ZNF131: variants seen among roughly 807,000 people sequenced by gnomAD.
ZNF131 encodes zinc finger and BTB domain containing 35.
Under a neutral mutation model 60.0 loss-of-function variants are expected in ZNF131, and 7 were observed. The ratio of observed to expected loss-of-function variants is 0.12; its 90% CI spans 0.07 to 0.22. The LOEUF is 0.22. Among genes scored for constraint, ZNF131 ranks in the 10% least tolerant of loss-of-function variants. ZNF131 has a pLI of 1.00. For missense variants in ZNF131, 493 were observed against 740.9 expected (o/e 0.67, Z 3.88); for synonymous variants, 257 against 253.2 (o/e 1.01, Z -0.14).
At chr5:43,136,983 T>C (rs1332647609) in intron 3 of ZNF131, among the ~76,000 whole-genome samples, 2 of 152,074 alleles carry the variant, frequency 1.3e-5, no homozygotes, top group Non-Finnish European at 2.9e-5. Flanking sequence ...CTGCAACAAA[T>C]GATGTTGGAA....
intron 2 of ZNF131, among the ~76,000 whole-genome samples, chr5:43,123,006 A>G (rs1172073827): frequency 6.6e-6 from 1 of 152,218 alleles, no homozygotes; most frequent in East Asian, 1.9e-4. Context: ...GTTTGAAGTG[A>G]AGATTTAGCT....
At chr5:43,171,138 G>T (rs1750938897) in intron 5 of ZNF131, among the ~76,000 whole-genome samples, 1 of 151,514 alleles carries the variant, frequency 6.6e-6, no homozygotes, top group South Asian at 2.1e-4. Context: ...AGTAGAGACA[G>T]GGTTTCACTA....
intron 3 of ZNF131, among the ~76,000 whole-genome samples, chr5:43,125,578 C>G (rs747943630): frequency 7.2e-5 from 11 of 151,750 alleles, no homozygotes; most frequent in Non-Finnish European, 1.3e-4. Flanking sequence ...GTCGAGAGGT[C>G]GAGACCAGCC....
In ZNF131 at chr5:43,160,678, CTT is replaced by C. The variant is rs71608692; in HGVS notation, c.372-550_372-549del. Among the ~76,000 whole-genome samples the C allele has an allele frequency of 4.7e-3, 433 of 93,030 alleles. 1 individual carries two copies. The highest frequency in any genetic ancestry group is 0.016 in the South Asian group (38 of 2,408). 61.0% of individuals were successfully genotyped at this position (93,030 alleles called of 152,430 possible). ...TCACTGTTAAATGATTAGCTTGGAA[CTT>C]TTTTTTTTTTTTTTTTTTTTGAGAC... On this transcript the variant is annotated intron_variant, in intron 4 of 6. Coordinates refer to ENST00000682664, the MANE Select transcript of ZNF131 (RefSeq NM_001330707.2).
chr5:43,161,346 T>A lies in ZNF131; in HGVS notation c.469T>A (p.Ser157Thr). The change falls in exon 5 of 7, where the codon TCA becomes ACA. Residue 157 changes from serine to threonine, a missense_variant. Ser to Thr is a moderately conservative substitution (Grantham distance 58). Around this residue, in one of 7 missense-constraint regions of ZNF131, gnomAD observed 138 missense variants for 158.7 expected, o/e 0.87. Transcript: ENST00000682664. ...IAETSNVITESLPSAESEPVE... is the reference protein window; with the variant it reads ...IAETSNVITETLPSAESEPVE... ...AGAAACTTCAAATGTTATCACTGAG[T>A]CATTGCCATCTGCAGAATCAGAACC... 6.2e-7 allele frequency: 1 copy of A among 1,614,178 alleles called. No homozygotes were observed. Among genetic ancestry groups the A allele is most frequent in the East Asian group, 2.2e-5 (1 of 44,888 alleles).
At chr5:43,156,092 T>G (rs192231707) in intron 4 of ZNF131, among the ~76,000 whole-genome samples, 1 of 152,188 alleles carries the variant, frequency 6.6e-6, no homozygotes, top group African/African-American at 2.4e-5. Context: ...CTGGTACTTA[T>G]GGGATGAAGA....
chr5:43,174,575 T>C lies in ZNF131; in HGVS notation c.1314T>C (p.His438=). 6.2e-7 allele frequency: 1 copy of C among 1,611,974 alleles called. No homozygotes were observed. Among genetic ancestry groups the C allele is most frequent in the Non-Finnish European group, 8.5e-7 (1 of 1,178,858 alleles). The change falls in exon 7 of 7, where the codon CAT becomes CAC. Residue 438 remains histidine (H), a synonymous_variant. Coordinates refer to ENST00000682664, the MANE Select transcript of ZNF131 (RefSeq NM_001330707.2). ...WFMQGNELRR[H]LSDAHNISER... ...TGCAAGGAAATGAATTAAGGAGGCA[T>C]CTCAGTGATGCTCACAATATTTCAG...
Position 43,174,803 on chromosome 5 carries a change from T to C in ZNF131, c.1542T>C (p.Ser514=), listed in dbSNP as rs1277272368. The C allele has an allele frequency of 1.9e-6, 3 of 1,613,942 alleles. No individual in the cohort carries two copies. The highest frequency in any genetic ancestry group is 2.5e-6 in the Non-Finnish European group (3 of 1,180,032). ...QDSQVHDSHM[S]ELPEQVQVSY... ...GCCAGGTGCACGATTCACACATGAG[T>C]GAGCTTCCAGAGCAGGTCCAAGTGA... The change falls in exon 7 of 7, where the codon AGT becomes AGC. Residue 514 remains serine, a synonymous_variant. Transcript: ENST00000682664.
At position 43,123,132 on chromosome 5, in the gene ZNF131, T is replaced by C. The variant is rs1744086103; in HGVS notation, c.125-77T>C. ...AAGACCTATTTTGCTTTATATGATT[T>C]TTAAGTCTATTTTGTAGTTATACAT... On this transcript the variant is annotated intron_variant, in intron 2 of 6. Transcript: ENST00000682664. 3 of 1,190,200 alleles carry C rather than the reference T, an allele frequency of 2.5e-6. No individual in the cohort carries two copies. The South Asian group carries it at 4.2e-5, about 17-fold the overall frequency. The allele number at this position is 1,190,200 out of a possible 1,614,324, so 73.7% of individuals were successfully genotyped here.
chr5:43,161,783 A>C lies in ZNF131; in HGVS notation c.906A>C (p.Ala302=), dbSNP rs374764903. ...ICNKRYLRES[A]WKQHLNCYHL... is the part of the protein sequence containing the mutation. ...ATAAACGATATCTTCGAGAGAGCGC[A>C]TGGAAACAGCACCTAAATTGTTACC... Residue 302 remains alanine (A), a synonymous_variant, in exon 5 of 7, where the codon GCA becomes GCC. Transcript: ENST00000682664. 6.2e-7 allele frequency: 1 copy of C among 1,614,258 alleles called. No individual in the cohort carries two copies.
intron 3 of ZNF131, chr5:43,124,121 A>T (rs958303645): frequency 1.3e-5 from 2 of 152,094 alleles, no homozygotes; most frequent in African/African-American, 4.8e-5. Context: ...TCAAAAAGGG[A>T]AGTGGTGTTA....
At chr5:43,132,000 AGTT>A (rs75365249) in intron 3 of ZNF131, among the ~76,000 whole-genome samples, 14,756 of 152,186 alleles carry the variant, frequency 0.097, 848 homozygotes, top group East Asian at 0.19. Flanking sequence ...CACTTCATAG[AGTT>A]GTTATGAGAA....
Position 43,175,606 on chromosome 5 carries a change from A to G in ZNF131, c.*473A>G. ...AAAAGTGCATTGTTACTGTGCAGTTAAATTTTGGCTTCTGGCTTTCTTTAG... is the reference window on the plus strand; with the variant it reads ...AAAAGTGCATTGTTACTGTGCAGTTGAATTTTGGCTTCTGGCTTTCTTTAG... On this transcript the variant is annotated 3_prime_UTR_variant, in exon 7 of 7. Transcript: ENST00000682664. The G allele has an allele frequency of 1.8e-6, 1 of 553,476 alleles. No homozygotes were observed. The highest frequency in any genetic ancestry group is 3.7e-5 in the Admixed American group (1 of 27,368). 34.3% of individuals were successfully genotyped at this position (553,476 alleles called of 1,614,324 possible).
At chr5:43,156,622 C>A (rs932906448) in intron 4 of ZNF131, among the ~76,000 whole-genome samples, 1 of 152,220 alleles carries the variant, frequency 6.6e-6, no homozygotes, top group African/African-American at 2.4e-5. Flanking sequence ...TGACACCGAT[C>A]TATTTCAGCT....
chr5:43,168,322 A>T (rs1750604819), intron 5 of ZNF131, among the ~76,000 whole-genome samples: 1 of 152,244 alleles, frequency 6.6e-6, no homozygotes, highest in African/African-American at 2.4e-5. Flanking sequence ...GTTAGCCTCG[A>T]AACAGGTATT....
At chr5:43,161,176 T>G (rs1749647738) in intron 4 of ZNF131, 73 bp from the exon 5 acceptor site, 2 of 1,336,984 alleles carry the variant, frequency 1.5e-6, no homozygotes, top group South Asian at 2.9e-5. Flanking sequence ...TATTGCCACT[T>G]TATCAGTTTC....
intron 3 of ZNF131, among the ~76,000 whole-genome samples, chr5:43,128,888 A>G (rs1579718191): frequency 6.6e-6 from 1 of 152,068 alleles, no homozygotes; most frequent in Non-Finnish European, 1.5e-5. Context: ...CTACAAGCAC[A>G]TACCACCAAG....
chr5:43,141,177 G>A (rs1345133120), intron 4 of ZNF131, among the ~76,000 whole-genome samples: 1 of 152,084 alleles, frequency 6.6e-6, no homozygotes, highest in African/African-American at 2.4e-5. Context: ...TTAGCACCTG[G>A]CATATAGCAG....
At chr5:43,147,758 G>A (rs1045610428) in intron 4 of ZNF131, among the ~76,000 whole-genome samples, 1 of 149,806 alleles carries the variant, frequency 6.7e-6, no homozygotes, top group African/African-American at 2.4e-5. Context: ...CAGTTTGGAA[G>A]TTTTTTGGTT....
Sources: gnomAD v4.1 joint callset for allele counts (sites outside exome capture counted in the v4.1 genomes callset) on GRCh38, gnomAD v4.1.1 for gene constraint, gnomAD v4.1.1 regional missense constraint, MANE v1.5 for transcripts, NCBI Gene and HGNC (gene_info 2026-07-23, HGNC 2026-07-21) for gene names.